The following ELOVL5 variants were observed in gnomAD, a reference collection of about 807,000 sequenced individuals.
ELOVL5 encodes the protein ELOVL fatty acid elongase 5, also known as very long chain fatty acid elongase 5.
In ELOVL5, 8 loss-of-function variants were observed where a neutral mutation model predicts 38.6. The ratio of observed to expected loss-of-function variants is 0.21; its 90% CI spans 0.12 to 0.37. The LOEUF (loss-of-function observed/expected upper bound fraction) is 0.37. Among genes scored for constraint, ELOVL5 ranks in the 10% least tolerant of loss-of-function variants. The pLI is 1.00. For synonymous variants in ELOVL5, 127 were observed against 133.7 expected (o/e 0.95, Z 0.34); for missense variants, 280 against 367.8 (o/e 0.76, Z 1.95).
In ELOVL5 at chr6:53,275,272, A is replaced by G; in HGVS notation, c.325-11T>C. 1.2e-6 allele frequency: 2 copies of G among 1,613,706 alleles called. No individual in the cohort carries two copies. Among genetic ancestry groups the G allele is most frequent in the Non-Finnish European group, 1.7e-6 (2 of 1,179,610 alleles). Reference sequence around the variant, plus strand: ...GAGGACACGGATAATCTAAGAGGAAAGGGTCAAAGATTTAAGGCTTATCCT... The same window carrying G: ...GAGGACACGGATAATCTAAGAGGAAGGGGTCAAAGATTTAAGGCTTATCCT... On this transcript the variant is annotated splice_polypyrimidine_tract_variant and intron_variant, in intron 4 of 7. Transcript: ENST00000304434.
Position 53,267,473 on chromosome 6 carries a change from A to C in ELOVL5, c.*1654T>G, listed in dbSNP as rs1765781979. ...GTAGGTATATCCAGGTGAGCTAAGC[A>C]CACTTTGACAGCACACTATTGAATG... On this transcript the variant is annotated 3_prime_UTR_variant, in exon 8 of 8. Coordinates refer to ENST00000304434, the MANE Select transcript of ELOVL5 (RefSeq NM_021814.5). 6.6e-6 allele frequency: 1 copy of C among 152,614 alleles called. No individual in the cohort carries two copies. Among genetic ancestry groups the C allele is most frequent in the Admixed American group, 6.5e-5 (1 of 15,286 alleles). 9.5% of individuals were successfully genotyped at this position (152,614 alleles called of 1,614,324 possible).
chr6:53,336,091 T>C (rs1438496901), intron 1 of ELOVL5, among the ~76,000 whole-genome samples: 1 of 152,212 alleles, frequency 6.6e-6, no homozygotes, highest in Admixed American at 6.5e-5. Context: ...AACTGCAACA[T>C]ACACAGCCAT....
intron 1 of ELOVL5, among the ~76,000 whole-genome samples, chr6:53,316,603 G>C (rs1339909621): frequency 6.6e-6 from 1 of 151,964 alleles, no homozygotes; most frequent in Non-Finnish European, 1.5e-5. Context: ...TTAAAAAAAC[G>C]ACTGCAAGAG....
At chr6:53,275,935 T>G (rs530795337) in intron 4 of ELOVL5, among the ~76,000 whole-genome samples, 2 of 152,242 alleles carry the variant, frequency 1.3e-5, no homozygotes, top group Non-Finnish European at 2.9e-5. Context: ...ACTGACTGCA[T>G]GTGATTTTTC....
At chr6:53,295,992 T>C (rs1679981411) in intron 1 of ELOVL5, among the ~76,000 whole-genome samples, 1 of 151,930 alleles carries the variant, frequency 6.6e-6, no homozygotes, top group Non-Finnish European at 1.5e-5. Context: ...GAAGCTGAAA[T>C]CTCAGTGGGG....
intron 1 of ELOVL5, among the ~76,000 whole-genome samples, chr6:53,322,227 C>A (rs1768329229): frequency 6.6e-6 from 1 of 152,174 alleles, no homozygotes; most frequent in African/African-American, 2.4e-5. Flanking sequence ...AGGGAAAATT[C>A]ACTTCTGGTG....
In ELOVL5 at chr6:53,283,546, G is replaced by C. The variant is rs543440403; in HGVS notation, c.247-7290C>G. Among the ~76,000 whole-genome samples the C allele has an allele frequency of 2.0e-5, 3 of 152,242 alleles. No individual in the cohort carries two copies. In the East Asian group the frequency reaches 5.8e-4, roughly 29 times the overall value. Reference sequence around the variant, plus strand: ...TGTCATCTAATCTATATCACTGGGGGGGACAATACTTCCATGTTATGGAAT... The same window carrying C: ...TGTCATCTAATCTATATCACTGGGGCGGACAATACTTCCATGTTATGGAAT... On this transcript the variant is annotated intron_variant, in intron 3 of 7. Coordinates refer to ENST00000304434, the MANE Select transcript of ELOVL5 (RefSeq NM_021814.5).
intron 1 of ELOVL5, among the ~76,000 whole-genome samples, chr6:53,343,281 C>G (rs954074637): frequency 1.1e-4 from 16 of 151,442 alleles, no homozygotes; most frequent in Admixed American, 9.2e-4. Flanking sequence ...GGTGTAATCA[C>G]GGCTCACTGT....
intron 1 of ELOVL5, among the ~76,000 whole-genome samples, chr6:53,304,996 G>A (rs1767427524): frequency 3.3e-5 from 5 of 151,784 alleles, no homozygotes; most frequent in Admixed American, 3.3e-4. Context: ...TTCCCAGTAG[G>A]GGCGGCCAGG....
chr6:53,277,370 G>A (rs891015682), intron 3 of ELOVL5, among the ~76,000 whole-genome samples: 2 of 152,170 alleles, frequency 1.3e-5, no homozygotes, highest in Middle Eastern at 3.4e-3. Flanking sequence ...GGCTTTTCAT[G>A]GCCAAAGAAG....
At chr6:53,339,472 T>C (rs1769226356) in intron 1 of ELOVL5, among the ~76,000 whole-genome samples, 3 of 152,226 alleles carry the variant, frequency 2.0e-5, no homozygotes, top group Admixed American at 2.0e-4. Flanking sequence ...TGGGGCCTTG[T>C]ATCAAAATGA....
At chr6:53,328,649 T>C (rs1768653033) in intron 1 of ELOVL5, among the ~76,000 whole-genome samples, 1 of 152,208 alleles carries the variant, frequency 6.6e-6, no homozygotes, top group Non-Finnish European at 1.5e-5. Flanking sequence ...AAGCAGTATC[T>C]ATCCAAGAGA....
intron 7 of ELOVL5, among the ~76,000 whole-genome samples, 192 bp from the exon 8 acceptor site, chr6:53,269,462 G>C (rs1046454698): frequency 1.2e-4 from 17 of 147,166 alleles, no homozygotes; most frequent in South Asian, 4.3e-4. Flanking sequence ...TTTTTTTTTT[G>C]AGGCTTAGCC....
chr6:53,344,428 T>G (rs145362589), intron 1 of ELOVL5, among the ~76,000 whole-genome samples: 7 of 152,208 alleles, frequency 4.6e-5, no homozygotes, highest in African/African-American at 1.7e-4. Flanking sequence ...CACCCTACAC[T>G]CTAACAAGAC....
intron 1 of ELOVL5, among the ~76,000 whole-genome samples, chr6:53,325,883 A>T (rs1231387282): frequency 3.9e-5 from 6 of 152,186 alleles, no homozygotes; most frequent in African/African-American, 1.4e-4. Context: ...CGACCAGAAA[A>T]CCAAGTCAGC....
chr6:53,294,682 C>G (rs539020489), intron 2 of ELOVL5, among the ~76,000 whole-genome samples: 1 of 152,318 alleles, frequency 6.6e-6, no homozygotes, highest in Admixed American at 6.5e-5. Flanking sequence ...CAAGCACATA[C>G]AGATGGATCT....
chr6:53,315,180 G>C (rs1767980069), intron 1 of ELOVL5, among the ~76,000 whole-genome samples: 1 of 152,214 alleles, frequency 6.6e-6, no homozygotes, highest in Admixed American at 6.5e-5. Context: ...CCTGGCTTCA[G>C]ATGGCTGTAT....
intron 5 of ELOVL5, 135 bp from the exon 6 acceptor site, chr6:53,273,479 C>G (rs1290807003): frequency 1.3e-6 from 1 of 754,880 alleles, no homozygotes; most frequent in African/African-American, 1.8e-5. Flanking sequence ...ACAAACACTG[C>G]AACAGCAAGC....
chr6:53,324,621 G>A (rs1768442412), intron 1 of ELOVL5, among the ~76,000 whole-genome samples: 1 of 138,668 alleles, frequency 7.2e-6, no homozygotes, highest in Non-Finnish European at 1.5e-5. Context: ...GTTGCAGTGA[G>A]CCAAGATGGC....
Sources: gnomAD v4.1 joint callset for allele counts (sites outside exome capture counted in the v4.1 genomes callset) on GRCh38, gnomAD v4.1.1 for gene constraint, MANE v1.5 for transcripts, NCBI Gene and HGNC (gene_info 2026-07-23, HGNC 2026-07-21) for gene names.